RELN: variants seen among roughly 807,000 people sequenced by gnomAD.
RELN encodes reelin.
A neutral mutation model predicts 427.6 loss-of-function variants in RELN; 108 were observed. The observed-to-expected ratio is 0.25, with a 90% confidence interval of 0.22 to 0.30. The LOEUF (loss-of-function observed/expected upper bound fraction) is 0.30. Ranked by LOEUF, RELN falls within the 10% of genes least tolerant of loss-of-function variation. The probability of loss-of-function intolerance (pLI) is 1.00; values close to 1 mark genes in which losing one functional copy is unlikely to be tolerated. For synonymous variants in RELN, 1,524 were observed against 1,513.4 expected (o/e 1.01, Z -0.16); for missense variants, 3,715 against 4,302.8 (o/e 0.86, Z 3.82).
At chr7:103,601,646 C>T (rs189715460) in intron 24 of RELN, among the ~76,000 whole-genome samples, 5 of 152,260 alleles carry the variant, frequency 3.3e-5, no homozygotes, top group Admixed American at 1.3e-4. Context: ...GGGTTAGACA[C>T]ATTGCTCAGG....
intron 2 of RELN, among the ~76,000 whole-genome samples, chr7:103,836,738 C>T (rs878915125): frequency 2.0e-5 from 3 of 152,188 alleles, no homozygotes; most frequent in Non-Finnish European, 4.4e-5. Context: ...TTTTTCAAGC[C>T]TCTCCTGTCC....
At chr7:103,518,359 G>C (rs1236908887) in intron 49 of RELN, among the ~76,000 whole-genome samples, 1 of 128,602 alleles carries the variant, frequency 7.8e-6, no homozygotes, top group Non-Finnish European at 1.6e-5. Flanking sequence ...TAAAGATGCG[G>C]TCTTACTCTG....
At chr7:103,503,450 G>A (rs372825647) in intron 51 of RELN, among the ~76,000 whole-genome samples, 16 of 152,150 alleles carry the variant, frequency 1.1e-4, no homozygotes, top group African/African-American at 3.9e-4. Context: ...TGTGTAGGGG[G>A]TTTGGAGAGA....
intron 28 of RELN, among the ~76,000 whole-genome samples, chr7:103,584,541 C>G (rs1831226106): frequency 6.6e-6 from 1 of 152,122 alleles, no homozygotes; most frequent in Non-Finnish European, 1.5e-5. Flanking sequence ...TGTACCCAAC[C>G]ATGGAACACC....
chr7:103,679,668 C>T (rs750546080), intron 11 of RELN, among the ~76,000 whole-genome samples: 8 of 151,448 alleles, frequency 5.3e-5, no homozygotes, highest in Non-Finnish European at 1.0e-4. Context: ...CTTCAGAGCT[C>T]TTTTTTTCAG....
intron 48 of RELN, 101 bp downstream of exon 48, chr7:103,521,921 A>C: frequency 8.4e-7 from 1 of 1,186,306 alleles, no homozygotes; most frequent in Non-Finnish European, 1.3e-6. Context: ...AGGGTAACTA[A>C]CCCTGCATCT....
At chr7:103,859,800 T>A (rs1164288284) in intron 2 of RELN, among the ~76,000 whole-genome samples, 2 of 152,152 alleles carry the variant, frequency 1.3e-5, no homozygotes, top group Non-Finnish European at 2.9e-5. Context: ...AGCAAGTTTT[T>A]AAAAATGTGA....
rs752349230 is a variant in RELN, at chr7:103,565,565, AT to A, written c.4937-15del. 2 of 1,609,174 alleles carry A rather than the reference AT, an allele frequency of 1.2e-6. No homozygotes were observed. The highest frequency in any genetic ancestry group is 1.7e-5 in the Admixed American group (1 of 59,880). On this transcript the variant is annotated splice_polypyrimidine_tract_variant and intron_variant, in intron 33 of 64. Transcript: ENST00000428762. Reference sequence around the variant, plus strand: ...AACGAGGTTTTCCTGAAAAAAAAAAATGTGTAATGGTAGCATATATGTGTGC... The same window carrying A: ...AACGAGGTTTTCCTGAAAAAAAAAAAGTGTAATGGTAGCATATATGTGTGC...
intron 1 of RELN, among the ~76,000 whole-genome samples, chr7:103,940,610 C>T (rs1357562898): frequency 6.6e-6 from 1 of 152,176 alleles, no homozygotes; most frequent in Admixed American, 6.5e-5. Flanking sequence ...CCCTGCAGCA[C>T]CCAGTAGAGT....
intron 1 of RELN, 104 bp from the exon 2 acceptor site, chr7:103,917,289 A>G: frequency 1.1e-6 from 1 of 879,886 alleles, no homozygotes; most frequent in Non-Finnish European, 1.9e-6. Flanking sequence ...TCATTAACAA[A>G]TTATTTTTAT....
rs756854888 is a variant in RELN at position 103,489,752 on chromosome 7, C to G, written c.9753G>C (p.Glu3251Asp). Residue 3251 changes from glutamate (E) to aspartate (D), a missense_variant, in exon 60 of 65, where the codon GAG becomes GAC. Glu to Asp is a conservative substitution (Grantham distance 45). Transcript: ENST00000428762. Reference sequence around the variant, plus strand: ...GCCTGGGATTCAGACCTTGGAAGCTCTCGTCGCAGATGCAGATGGCACCGG... The same window carrying G: ...GCCTGGGATTCAGACCTTGGAAGCTGTCGTCGCAGATGCAGATGGCACCGG... ...CTTGAICICD[E>D]SFQGDDCSVF... 133 of 1,613,926 alleles carry G rather than the reference C, an allele frequency of 8.2e-5. No individual in the cohort carries two copies. Among genetic ancestry groups the G allele is most frequent in the Non-Finnish European group, 1.1e-4 (127 of 1,179,990 alleles).
In RELN at chr7:103,776,545, T is replaced by C. The variant is rs1178885358; in HGVS notation, c.544+12A>G. 1.2e-6 allele frequency: 2 copies of C among 1,613,850 alleles called. No homozygotes were observed. The highest frequency in any genetic ancestry group is 1.3e-5 in the African/African-American group (1 of 74,940). ...TTGGACATAACACAAACAAATCAAA[T>C]GTGACGCTTACCTCCTTGTTCACAC... On this transcript the variant is annotated intron_variant, in intron 4 of 64. Transcript: ENST00000428762.
At chr7:103,630,202 T>G (rs368643800) in intron 19 of RELN, 26 bp from the exon 20 acceptor site, 3 of 1,464,382 alleles carry the variant, frequency 2.0e-6, no homozygotes. Flanking sequence ...AAGTCAAAAT[T>G]TAGATTATTT....
chr7:103,586,918 T>C (rs1428480213), intron 28 of RELN, among the ~76,000 whole-genome samples: 1 of 152,184 alleles, frequency 6.6e-6, no homozygotes, highest in Non-Finnish European at 1.5e-5. Flanking sequence ...CCTATGCTCA[T>C]GGATTGAAGA....
At chr7:103,694,881 T>C (rs945022216) in intron 10 of RELN, among the ~76,000 whole-genome samples, 1 of 151,622 alleles carries the variant, frequency 6.6e-6, no homozygotes, top group Admixed American at 6.6e-5. Flanking sequence ...TCCAGGCAAG[T>C]CTTAAACTTC....
chr7:103,983,938 CAATT>C (rs1341474774), intron 1 of RELN, among the ~76,000 whole-genome samples: 2 of 151,590 alleles, frequency 1.3e-5, no homozygotes, highest in African/African-American at 2.4e-5. Context: ...ACTGGTCACT[CAATT>C]TATTTATGCT....
intron 52 of RELN, 88 bp downstream of exon 52, chr7:103,502,928 A>G (rs1829083857): frequency 9.1e-7 from 1 of 1,097,334 alleles, no homozygotes; most frequent in Non-Finnish European, 1.4e-6. Context: ...ACCCACAAAT[A>G]CACATAATTT....
intron 28 of RELN, among the ~76,000 whole-genome samples, chr7:103,582,570 G>T (rs1562904345): frequency 1.3e-5 from 2 of 152,240 alleles, no homozygotes; most frequent in East Asian, 1.9e-4. Context: ...ACAGAAACTG[G>T]TACATCCTTA....
chr7:103,615,020 A>G (rs1832049376), intron 20 of RELN, among the ~76,000 whole-genome samples: 1 of 152,196 alleles, frequency 6.6e-6, no homozygotes, highest in African/African-American at 2.4e-5. Flanking sequence ...TTATAAAGGC[A>G]AACATGAAGC....
Sources: gnomAD v4.1 joint callset for allele counts (sites outside exome capture counted in the v4.1 genomes callset) on GRCh38, gnomAD v4.1.1 for gene constraint, MANE v1.5 for transcripts, NCBI Gene and HGNC (gene_info 2026-07-23, HGNC 2026-07-21) for gene names.